The following RTL4 variants were observed in gnomAD, a reference collection of about 807,000 sequenced individuals.
RTL4 encodes the protein retrotransposon Gag like 4.
A neutral mutation model predicts 5.3 loss-of-function variants in RTL4; 4 were observed. The observed-to-expected ratio is 0.75, with a 90% CI of 0.37 to 1.72. RTL4 has a LOEUF of 1.72. Among genes scored for constraint, RTL4 ranks in the 40% most tolerant of loss-of-function variants. The pLI, the probability that RTL4 is intolerant of heterozygous loss-of-function variation, is 0.04. For synonymous variants in RTL4, 98 were observed against 87.3 expected (o/e 1.12, Z -0.68); for missense variants, 260 against 227.1 (o/e 1.14, Z -0.93).
At chrX:112,393,514 T>C in the RTL4 span, among the ~76,000 whole-genome samples, 1 of 111,956 alleles carries the variant, frequency 8.9e-6, no homozygotes, top group East Asian at 2.8e-4. Flanking sequence ...TAGGGGTGGC[T>C]GGAGATCCCA....
chrX:112,201,036 G>A, the RTL4 span, among the ~76,000 whole-genome samples: 5 of 111,586 alleles, frequency 4.5e-5, no homozygotes, highest in Non-Finnish European at 7.5e-5. Flanking sequence ...AAAGAAAAGA[G>A]GTTTAATTGA....
the RTL4 span, among the ~76,000 whole-genome samples, chrX:112,353,512 G>A: frequency 9.0e-6 from 1 of 111,230 alleles, no homozygotes; most frequent in Non-Finnish European, 1.9e-5. Flanking sequence ...CATAAAAAAT[G>A]ATGAGTTCAT....
At chrX:112,319,754 AT>A in the RTL4 span, among the ~76,000 whole-genome samples, 19 of 108,719 alleles carry the variant, frequency 1.7e-4, no homozygotes, top group Admixed American at 1.2e-3. Context: ...GTAGTCTTTC[AT>A]TTTTTTTTCT....
chrX:112,267,933 A>T, the RTL4 span, among the ~76,000 whole-genome samples: 1 of 111,547 alleles, frequency 9.0e-6, no homozygotes, highest in Non-Finnish European at 1.9e-5. Flanking sequence ...GGATCATTGC[A>T]ATAGCCTCAT....
At chrX:112,111,673 G>A in the RTL4 span, among the ~76,000 whole-genome samples, 2 of 112,385 alleles carry the variant, frequency 1.8e-5, no homozygotes, top group Non-Finnish European at 3.8e-5. Context: ...TGCTAACTGG[G>A]CACTGGTCCC....
the RTL4 span, among the ~76,000 whole-genome samples, chrX:112,176,090 CA>C: frequency 9.0e-6 from 1 of 110,797 alleles, no homozygotes; most frequent in Non-Finnish European, 1.9e-5. Flanking sequence ...CAATAACAGA[CA>C]AACAGAGAGC....
the RTL4 span, among the ~76,000 whole-genome samples, chrX:112,292,776 A>G: frequency 9.0e-6 from 1 of 111,621 alleles, no homozygotes; most frequent in African/African-American, 3.2e-5. Flanking sequence ...CAATAGCTCA[A>G]TCCAGTGTAT....
chrX:112,291,744 C>T, the RTL4 span, among the ~76,000 whole-genome samples: 1 of 110,605 alleles, frequency 9.0e-6, no homozygotes, highest in Non-Finnish European at 1.9e-5. Flanking sequence ...CTATAGGCGC[C>T]CGCCACCAGG....
chrX:112,204,067 A>T, the RTL4 span, among the ~76,000 whole-genome samples: 26,711 of 112,043 alleles, frequency 0.24, 2,730 homozygotes, highest in African/African-American at 0.38. Context: ...AAAAGGCATA[A>T]GAAAAGGTGC....
chrX:112,317,661 A>AT, the RTL4 span, among the ~76,000 whole-genome samples: 1 of 111,812 alleles, frequency 8.9e-6, no homozygotes, highest in Admixed American at 9.6e-5. Context: ...GCTGCTATTT[A>AT]TTACATATGT....
At chrX:112,243,790 G>A in the RTL4 span, among the ~76,000 whole-genome samples, 1 of 111,387 alleles carries the variant, frequency 9.0e-6, no homozygotes. Context: ...TGTGATGTTA[G>A]GGTGTCCATT....
chrX:112,098,791 C>T, the RTL4 span, among the ~76,000 whole-genome samples: 1 of 111,436 alleles, frequency 9.0e-6, no homozygotes, highest in East Asian at 2.8e-4. Context: ...GGAAACGATT[C>T]CCTATTTAAT....
the RTL4 span, among the ~76,000 whole-genome samples, chrX:112,239,292 G>C: frequency 5.4e-5 from 6 of 111,007 alleles, no homozygotes; most frequent in Non-Finnish European, 1.9e-5. Flanking sequence ...GGCCTAGTGG[G>C]GAGGCGGGCT....
chrX:112,416,379 C>T, the RTL4 span, among the ~76,000 whole-genome samples: 1 of 112,163 alleles, frequency 8.9e-6, no homozygotes, highest in African/African-American at 3.2e-5. Flanking sequence ...ATCATTTCAA[C>T]CCATGCATCA....
At chrX:112,112,074 G>A in the RTL4 span, among the ~76,000 whole-genome samples, 1 of 111,604 alleles carries the variant, frequency 9.0e-6, no homozygotes, top group Non-Finnish European at 1.9e-5. Flanking sequence ...GTATTATTTT[G>A]ATAGCCTCTG....
chrX:112,455,019 A>G (rs761778917), exon 1 of RTL4: 3 of 1,209,566 alleles, frequency 2.5e-6, no homozygotes. Context: ...CCCAGATCAA[A>G]CTCTTTTTTG....
the RTL4 span, among the ~76,000 whole-genome samples, chrX:112,318,800 T>TATATCTACAAAAGAGACTTTTC: frequency 1.6e-4 from 18 of 111,623 alleles, no homozygotes; most frequent in African/African-American, 5.5e-4. Flanking sequence ...CTTGACTTTT[T>TATATCTACAAAAGAGACTTTTC]ATATCTACAA....
chrX:112,418,715 C>T, the RTL4 span, among the ~76,000 whole-genome samples: 2 of 110,148 alleles, frequency 1.8e-5, no homozygotes, highest in Non-Finnish European at 3.8e-5. Flanking sequence ...ACATTAAGAG[C>T]TTCAGAGGCT....
the RTL4 span, among the ~76,000 whole-genome samples, chrX:112,166,171 T>TC: frequency 1.8e-5 from 2 of 112,099 alleles, no homozygotes; most frequent in Non-Finnish European, 3.8e-5. Flanking sequence ...GTGAAAACAC[T>TC]CCAAGTGCCA....
Sources: gnomAD v4.1 joint callset for allele counts (sites outside exome capture counted in the v4.1 genomes callset) on GRCh38, gnomAD v4.1.1 for gene constraint, MANE v1.5 for transcripts, NCBI Gene and HGNC (gene_info 2026-07-23, HGNC 2026-07-21) for gene names.